Variants in LGR5 observed in about 807,000 individuals in gnomAD.
LGR5 encodes the protein leucine-rich repeat-containing G protein-coupled receptor 5.
LGR5 carries 54 observed loss-of-function variants against 76.7 expected under a neutral mutation model. The ratio of observed to expected loss-of-function variants is 0.70; its 90% CI spans 0.57 to 0.88. LGR5 has a LOEUF of 0.88. Among genes scored for constraint, LGR5 ranks in the 40% least tolerant of loss-of-function variants. LGR5 has a pLI of 0.00. For synonymous variants in LGR5, 406 were observed against 421.9 expected, an observed-to-expected ratio of 0.96 and a Z score of 0.46; for missense variants, 1,078 against 1,073.3, an observed-to-expected ratio of 1.00 and a Z score of -0.06.
At chr12:71,477,573 A>T (rs901068679) in intron 1 of LGR5, among the ~76,000 whole-genome samples, 1 of 151,798 alleles carries the variant, frequency 6.6e-6, no homozygotes, top group African/African-American at 2.4e-5. Context: ...AAGTAAAATA[A>T]AAGAATAAAA....
chr12:71,529,468 A>G (rs1255267364), intron 3 of LGR5, among the ~76,000 whole-genome samples: 1 of 152,158 alleles, frequency 6.6e-6, no homozygotes, highest in East Asian at 1.9e-4. Flanking sequence ...ACCTCCCACC[A>G]GGTCCCTCCC....
intron 1 of LGR5, among the ~76,000 whole-genome samples, chr12:71,478,446 A>G (rs1176030126): frequency 6.6e-6 from 1 of 152,230 alleles, no homozygotes; most frequent in Non-Finnish European, 1.5e-5. Flanking sequence ...TGAGTTTTGA[A>G]AATCTCCCTT....
intron 1 of LGR5, among the ~76,000 whole-genome samples, chr12:71,487,442 T>C (rs1470251604): frequency 6.6e-6 from 1 of 152,174 alleles, no homozygotes; most frequent in East Asian, 1.9e-4. Context: ...AGAGACAGGG[T>C]CTCACTCTGT....
chr12:71,497,062 C>T (rs1565693259), intron 1 of LGR5, among the ~76,000 whole-genome samples: 1 of 151,938 alleles, frequency 6.6e-6, no homozygotes, highest in Non-Finnish European at 1.5e-5. Context: ...GCCTGTAATC[C>T]CAGCACTTTG....
chr12:71,563,118 C>T (rs910177029), intron 8 of LGR5, among the ~76,000 whole-genome samples: 3 of 152,102 alleles, frequency 2.0e-5, no homozygotes, highest in East Asian at 1.9e-4. Flanking sequence ...GAGGAACTAG[C>T]GGCGCCAACC....
chr12:71,579,181 A>T (rs992901190), intron 15 of LGR5, among the ~76,000 whole-genome samples: 6 of 152,226 alleles, frequency 3.9e-5, no homozygotes, highest in Non-Finnish European at 7.3e-5. Flanking sequence ...GTTTGAAAAC[A>T]ATTGATCCAT....
At chr12:71,495,793 C>T (rs2137288053) in intron 1 of LGR5, among the ~76,000 whole-genome samples, 1 of 151,012 alleles carries the variant, frequency 6.6e-6, no homozygotes, top group Non-Finnish European at 1.5e-5. Flanking sequence ...CTTTGAAACC[C>T]CAGGAGAAGT....
chr12:71,441,045 G>A (rs1871742845), intron 1 of LGR5, among the ~76,000 whole-genome samples: 1 of 152,114 alleles, frequency 6.6e-6, no homozygotes, highest in African/African-American at 2.4e-5. Context: ...AGGGGAAGTG[G>A]GCTGAAGGCT....
At chr12:71,500,241 A>G (rs978263470) in intron 1 of LGR5, among the ~76,000 whole-genome samples, 3 of 152,208 alleles carry the variant, frequency 2.0e-5, no homozygotes, top group African/African-American at 4.8e-5. Context: ...ATAGGAACCC[A>G]TAAGAAACAG....
At chr12:71,526,132 A>G (rs1875992130) in intron 3 of LGR5, among the ~76,000 whole-genome samples, 1 of 152,140 alleles carries the variant, frequency 6.6e-6, no homozygotes, top group Non-Finnish European at 1.5e-5. Flanking sequence ...CTGATGATCT[A>G]GAGAGAATAA....
intron 1 of LGR5, among the ~76,000 whole-genome samples, chr12:71,450,877 C>G (rs1872221532): frequency 6.6e-6 from 1 of 152,256 alleles, no homozygotes; most frequent in African/African-American, 2.4e-5. Context: ...CATGTCTTAC[C>G]TATATTCAAT....
chr12:71,505,346 G>T (rs144171754), intron 2 of LGR5, among the ~76,000 whole-genome samples: 119 of 152,280 alleles, frequency 7.8e-4, no homozygotes, highest in African/African-American at 2.8e-3. Flanking sequence ...AGATGAAAAA[G>T]AACTGTATAA....
chr12:71,577,135 T>C (rs1221101557), intron 13 of LGR5, among the ~76,000 whole-genome samples: 3 of 152,246 alleles, frequency 2.0e-5, no homozygotes, highest in Non-Finnish European at 4.4e-5. Context: ...TGACTTTGTT[T>C]ACTTTCAGTT....
chr12:71,542,075 G>A (rs923337035), intron 4 of LGR5, among the ~76,000 whole-genome samples: 1 of 152,178 alleles, frequency 6.6e-6, no homozygotes, highest in African/African-American at 2.4e-5. Context: ...ATCAAAGCGT[G>A]AGCCAGTCAG....
intron 4 of LGR5, among the ~76,000 whole-genome samples, chr12:71,540,191 A>G (rs1295779201): frequency 1.3e-5 from 2 of 152,192 alleles, no homozygotes; most frequent in Non-Finnish European, 2.9e-5. Context: ...ATTGTCATTA[A>G]TGAATTTTAA....
intron 2 of LGR5, among the ~76,000 whole-genome samples, chr12:71,524,189 A>G (rs1456559335): frequency 6.6e-6 from 1 of 152,242 alleles, no homozygotes; most frequent in African/African-American, 2.4e-5. Context: ...TTTATTGTAA[A>G]GTAGGTAATT....
intron 1 of LGR5, among the ~76,000 whole-genome samples, chr12:71,444,650 T>C (rs1592447490): frequency 6.6e-6 from 1 of 152,174 alleles, no homozygotes; most frequent in Non-Finnish European, 1.5e-5. Flanking sequence ...AGTTAGAAGA[T>C]CGGAATCAAG....
intron 16 of LGR5, among the ~76,000 whole-genome samples, chr12:71,580,889 A>T (rs1394546738): frequency 6.6e-6 from 1 of 152,174 alleles, no homozygotes; most frequent in Middle Eastern, 3.2e-3. Context: ...AATAAATCCC[A>T]CTTTTTAAAG....
At chr12:71,580,212 C>T in intron 15 of LGR5, 66 bp from the exon 16 acceptor site, 5 of 1,429,022 alleles carry the variant, frequency 3.5e-6, no homozygotes, top group Non-Finnish European at 4.8e-6. Flanking sequence ...GGTGAAAGAA[C>T]ATGAACACTA....
Sources: allele counts gnomAD v4.1 joint callset (sites outside exome capture counted in the v4.1 genomes callset), GRCh38; gene constraint gnomAD v4.1.1; transcripts MANE v1.5; gene names NCBI Gene and HGNC (gene_info 2026-07-23, HGNC 2026-07-21).